The following PTPRC variants were observed in gnomAD, a reference collection of about 807,000 sequenced individuals.
PTPRC encodes protein tyrosine phosphatase receptor type C, also known as receptor-type tyrosine-protein phosphatase C.
In PTPRC, 44 loss-of-function variants were observed where a neutral mutation model predicts 155.9. The observed-to-expected ratio is 0.28, with a 90% CI of 0.22 to 0.36. PTPRC has a LOEUF of 0.36. Among genes scored for constraint, PTPRC ranks in the 10% least tolerant of loss-of-function variants. PTPRC has a pLI of 1.00. For synonymous variants in PTPRC, 525 were observed against 533.1 expected, an observed-to-expected ratio of 0.98 and a Z score of 0.21; for missense variants, 1,401 against 1,564.6, an observed-to-expected ratio of 0.90 and a Z score of 1.76.
Position 198,639,399 on chromosome 1 carries a change from T to C in PTPRC, c.73+58T>C, listed in dbSNP as rs528738710. ...ATTTTTTCTCTTTTGGAGGAATGTT[T>C]GAAATAGACATAAAAATAATTTAAA... On this transcript the variant is annotated intron_variant, in intron 2 of 32. Transcript: ENST00000442510. 3.1e-6 allele frequency: 4 copies of C among 1,308,794 alleles called. No homozygotes were observed. The South Asian group carries it at 5.1e-5, about 17-fold the overall frequency. The allele number at this position is 1,308,794 out of a possible 1,614,324, so 81.1% of individuals were successfully genotyped here. A position where few individuals can be genotyped will look rare whatever the true frequency, so the allele number is the denominator to read the frequency against.
In PTPRC at chr1:198,732,590, A is replaced by G. The variant is rs757619790; in HGVS notation, c.2142+34A>G. On this transcript the variant is annotated intron_variant, in intron 20 of 32. Coordinates refer to ENST00000442510, the MANE Select transcript of PTPRC (RefSeq NM_002838.5). ...AAATTTGCATTTTTCTTATACCTACATATTTCATTCAGCTCCTTGTTTGTC... is the reference window on the plus strand; with the variant it reads ...AAATTTGCATTTTTCTTATACCTACGTATTTCATTCAGCTCCTTGTTTGTC... 1.9e-5 allele frequency: 28 copies of G among 1,470,712 alleles called. 1 individual carries two copies. Among genetic ancestry groups the G allele is most frequent in the South Asian group, 1.6e-4 (14 of 86,410 alleles). 91.1% of individuals were successfully genotyped at this position (1,470,712 alleles called of 1,614,324 possible).
chr1:198,670,287 T>C (rs1664569216), intron 2 of PTPRC, among the ~76,000 whole-genome samples: 1 of 152,150 alleles, frequency 6.6e-6, no homozygotes, highest in African/African-American at 2.4e-5. Flanking sequence ...GAAATATTTA[T>C]AATTATTAAT....
intron 3 of PTPRC, among the ~76,000 whole-genome samples, chr1:198,695,507 A>G (rs1465303821): frequency 1.4e-5 from 2 of 143,062 alleles, no homozygotes; most frequent in African/African-American, 5.2e-5. Context: ...CACATTTGGT[A>G]TATTTTTCTA....
intron 9 of PTPRC, among the ~76,000 whole-genome samples, chr1:198,707,490 T>C (rs988182769): frequency 6.6e-6 from 1 of 152,156 alleles, no homozygotes; most frequent in African/African-American, 2.4e-5. Flanking sequence ...TGGGGAAGCA[T>C]CTCTTAGCCA....
Position 198,741,938 on chromosome 1 carries a change from C to T in PTPRC, c.2473C>T (p.Pro825Ser). Residue 825 changes from proline to serine, a missense_variant, in exon 24 of 33, where the codon CCT becomes TCT. By Grantham distance (74) the Pro-to-Ser change is moderately conservative. This residue lies in a region of PTPRC where 134 missense variants were observed against 204.7 expected (regional missense o/e 0.65). Coordinates refer to ENST00000442510, the MANE Select transcript of PTPRC (RefSeq NM_002838.5). ...QFTSWPDHGV[P>S]EDPHLLLKLR... ...CACCAGCTGGCCAGACCACGGGGTG[C>T]CTGAGGATCCTCACTTGCTCCTCAA... 5.6e-6 allele frequency: 9 copies of T among 1,612,018 alleles called. No individual in the cohort carries two copies. The highest frequency in any genetic ancestry group is 7.6e-6 in the Non-Finnish European group (9 of 1,178,924).
At chr1:198,711,950 A>T (rs1185899625) in intron 11 of PTPRC, among the ~76,000 whole-genome samples, 1 of 152,224 alleles carries the variant, frequency 6.6e-6, no homozygotes, top group Admixed American at 6.5e-5. Flanking sequence ...AAATGGCTAA[A>T]CTTAAGAATA....
At chr1:198,707,296 T>C (rs1219501853) in intron 9 of PTPRC, among the ~76,000 whole-genome samples, 2 of 152,238 alleles carry the variant, frequency 1.3e-5, no homozygotes, top group African/African-American at 2.4e-5. Flanking sequence ...ATATATTTAT[T>C]CTTTTAAGTA....
chr1:198,727,763 G>A (rs530859543), intron 15 of PTPRC, among the ~76,000 whole-genome samples: 2 of 152,160 alleles, frequency 1.3e-5, no homozygotes, highest in African/African-American at 4.8e-5. Context: ...CCTTTCCCTA[G>A]GAAAGGGCAG....
At chr1:198,686,407 T>C (rs920293703) in intron 2 of PTPRC, among the ~76,000 whole-genome samples, 1 of 152,206 alleles carries the variant, frequency 6.6e-6, no homozygotes, top group African/African-American at 2.4e-5. Context: ...TGTAGAAAAT[T>C]TCATCCCTAG....
intron 26 of PTPRC, among the ~76,000 whole-genome samples, chr1:198,745,458 G>T (rs1433264357): frequency 2.0e-5 from 3 of 151,822 alleles, no homozygotes; most frequent in Admixed American, 6.6e-5. Context: ...GTGAGGCTAG[G>T]TCATCAGTTG....
At chr1:198,681,767 A>C (rs1019301986) in intron 2 of PTPRC, among the ~76,000 whole-genome samples, 4 of 152,372 alleles carry the variant, frequency 2.6e-5, no homozygotes, top group Middle Eastern at 3.4e-3. Flanking sequence ...TGCTTTTCAA[A>C]ATGAAGTGCT....
At chr1:198,749,622 T>C in intron 28 of PTPRC, 73 bp downstream of exon 28, 1 of 1,433,690 alleles carries the variant, frequency 7.0e-7, no homozygotes. Flanking sequence ...GGGCCATTCA[T>C]TAAGCGATTT....
At chr1:198,703,520 G>T in intron 7 of PTPRC, 148 bp downstream of exon 7, 1 of 1,251,722 alleles carries the variant, frequency 8.0e-7, no homozygotes, top group Non-Finnish European at 1.1e-6. Context: ...ACAGCAGGAA[G>T]ATATTTCTCT....
intron 26 of PTPRC, among the ~76,000 whole-genome samples, chr1:198,744,821 T>C (rs756070139): frequency 2.0e-5 from 3 of 151,832 alleles, no homozygotes; most frequent in East Asian, 3.9e-4. Context: ...TTCCATAATC[T>C]ACCAAACTGG....
chr1:198,662,703 A>T (rs1315890885), intron 2 of PTPRC, among the ~76,000 whole-genome samples: 2 of 152,150 alleles, frequency 1.3e-5, no homozygotes, highest in African/African-American at 4.8e-5. Context: ...TCCACTTTCC[A>T]CACATTGACC....
chr1:198,671,327 A>C (rs996908334), intron 2 of PTPRC, among the ~76,000 whole-genome samples: 7 of 152,086 alleles, frequency 4.6e-5, no homozygotes, highest in African/African-American at 1.7e-4. Flanking sequence ...AGAGGCATTT[A>C]ACGCTATTGA....
intron 26 of PTPRC, among the ~76,000 whole-genome samples, chr1:198,744,771 T>A (rs971920357): frequency 1.3e-5 from 2 of 151,672 alleles, no homozygotes; most frequent in East Asian, 3.9e-4. Flanking sequence ...ATGTTTTGTG[T>A]TTTTTTTGTT....
chr1:198,657,908 C>G (rs907043435), intron 2 of PTPRC: 8 of 152,144 alleles, frequency 5.3e-5, no homozygotes, highest in Non-Finnish European at 1.0e-4. Context: ...TGTGGCATCT[C>G]TTCCACAGAC....
At chr1:198,720,650 G>A (rs1297240469) in intron 14 of PTPRC, among the ~76,000 whole-genome samples, 3 of 152,052 alleles carry the variant, frequency 2.0e-5, no homozygotes, top group Non-Finnish European at 2.9e-5. Flanking sequence ...ACTTTAAATA[G>A]TATAGGAGTG....
Sources: allele counts gnomAD v4.1 joint callset (sites outside exome capture counted in the v4.1 genomes callset), GRCh38; gene constraint gnomAD v4.1.1; regional missense constraint gnomAD v4.1.1; transcripts MANE v1.5; gene names NCBI Gene and HGNC (gene_info 2026-07-23, HGNC 2026-07-21).